Variants in AUTS2 observed in about 807,000 individuals in gnomAD.
The protein encoded by AUTS2 is activator of transcription and developmental regulator AUTS2.
A neutral mutation model predicts 112.4 loss-of-function variants in AUTS2; 17 were observed. That is an observed-to-expected ratio of 0.15 (90% CI 0.10 to 0.23). AUTS2 has a LOEUF of 0.23. Ranked by LOEUF, AUTS2 falls within the 10% of genes least tolerant of loss-of-function variation. The pLI is 1.00. For synonymous variants in AUTS2, 751 were observed against 702.7 expected, an observed-to-expected ratio of 1.07 and a Z score of -1.09; for missense variants, 1,510 against 1,701.6, an observed-to-expected ratio of 0.89 and a Z score of 1.98.
At chr7:69,834,146 T>C (rs962559825) in intron 1 of AUTS2, among the ~76,000 whole-genome samples, 7 of 152,182 alleles carry the variant, frequency 4.6e-5, no homozygotes, top group African/African-American at 1.7e-4. Context: ...CCTGCACCTC[T>C]ACGTCACTCT....
intron 5 of AUTS2, among the ~76,000 whole-genome samples, chr7:70,599,046 C>G (rs1172818379): frequency 1.3e-5 from 2 of 152,230 alleles, no homozygotes; most frequent in African/African-American, 4.8e-5. Context: ...CTCTACTTTT[C>G]TTTTCCTTTC....
At chr7:70,781,584 T>C (rs1355837328) in intron 14 of AUTS2, 31 bp from the exon 15 acceptor site, 5 of 1,612,338 alleles carry the variant, frequency 3.1e-6, no homozygotes, top group African/African-American at 2.7e-5. Context: ...CTGTTGGCCT[T>C]GGGACCCTTA....
At chr7:70,221,608 A>G (rs1175756138) in intron 4 of AUTS2, among the ~76,000 whole-genome samples, 1 of 152,100 alleles carries the variant, frequency 6.6e-6, no homozygotes, top group East Asian at 1.9e-4. Flanking sequence ...TACAGAACCT[A>G]TCATTCGGTG....
chr7:70,123,984 C>T (rs34850955), intron 3 of AUTS2, among the ~76,000 whole-genome samples: 2,582 of 152,206 alleles, frequency 0.017, 44 homozygotes, highest in Middle Eastern at 0.027. Flanking sequence ...TAATTGTTCC[C>T]TTTTCTCTGC....
Position 69,977,010 on chromosome 7 carries a change from T to C in AUTS2, c.522+77512T>C, listed in dbSNP as rs570225988. Among the ~76,000 whole-genome samples the C allele has an allele frequency of 2.6e-5, 4 of 152,294 alleles. 1 individual carries two copies. The South Asian group carries it at 8.3e-4, about 32-fold the overall frequency. ...TTTTGTTGTCACATCCAAGAAAGAT[T>C]GTCAAATCCAATGTCATGAAGCTTT... On this transcript the variant is annotated intron_variant, in intron 2 of 18. Coordinates refer to ENST00000342771, the MANE Select transcript of AUTS2 (RefSeq NM_015570.4).
intron 4 of AUTS2, among the ~76,000 whole-genome samples, chr7:70,307,960 G>A (rs1416075905): frequency 1.3e-5 from 2 of 152,180 alleles, no homozygotes; most frequent in Non-Finnish European, 2.9e-5. Flanking sequence ...AACATAACCT[G>A]TTGAATAAGT....
intron 5 of AUTS2, among the ~76,000 whole-genome samples, chr7:70,484,261 T>A (rs756176282): frequency 6.6e-6 from 1 of 152,232 alleles, no homozygotes; most frequent in Non-Finnish European, 1.5e-5. Context: ...CATAAATTTG[T>A]ATTTTACAGC....
intron 1 of AUTS2, among the ~76,000 whole-genome samples, chr7:69,754,530 G>A (rs1471912086): frequency 1.3e-5 from 2 of 152,102 alleles, no homozygotes; most frequent in African/African-American, 4.8e-5. Context: ...TCATGGCATG[G>A]TAGAAGATGA....
At chr7:70,079,983 A>G (rs955249282) in intron 2 of AUTS2, among the ~76,000 whole-genome samples, 1 of 152,160 alleles carries the variant, frequency 6.6e-6, no homozygotes, top group Non-Finnish European at 1.5e-5. Flanking sequence ...TATAATCAGC[A>G]TTAATCCATT....
At chr7:69,721,941 T>G (rs1016625737) in intron 1 of AUTS2, among the ~76,000 whole-genome samples, 1 of 151,738 alleles carries the variant, frequency 6.6e-6, no homozygotes, top group Non-Finnish European at 1.5e-5. Context: ...GGAGGACATG[T>G]GAAACATATG....
chr7:70,719,588 C>T (rs1366116377), intron 6 of AUTS2, among the ~76,000 whole-genome samples: 2 of 151,958 alleles, frequency 1.3e-5, no homozygotes, highest in South Asian at 2.1e-4. Context: ...CTCAGCCTCC[C>T]GAGTAGGTGG....
In AUTS2 at chr7:69,761,954, G is replaced by A. The variant is rs574600239; in HGVS notation, c.310-137332G>A. Reference sequence around the variant, plus strand: ...TTTTATTCATTTGCACATTTATTGGGTACCTACTATATGTCAGCCTCTGTT... The same window carrying A: ...TTTTATTCATTTGCACATTTATTGGATACCTACTATATGTCAGCCTCTGTT... On this transcript the variant is annotated intron_variant, in intron 1 of 18. Transcript: ENST00000342771. 2.0e-5 allele frequency among the ~76,000 whole-genome samples: 3 copies of A among 152,242 alleles called. No individual in the cohort carries two copies. In the South Asian group the frequency reaches 6.2e-4, roughly 32 times the overall value.
chr7:69,795,670 G>A (rs143240076), intron 1 of AUTS2, among the ~76,000 whole-genome samples: 1 of 152,338 alleles, frequency 6.6e-6, no homozygotes, highest in African/African-American at 2.4e-5. Flanking sequence ...GATGCGAAAG[G>A]TTTGTTCTAT....
intron 2 of AUTS2, among the ~76,000 whole-genome samples, chr7:69,992,474 C>G (rs1371073429): frequency 2.0e-5 from 3 of 152,138 alleles, no homozygotes; most frequent in African/African-American, 7.2e-5. Context: ...GGATGGTGAT[C>G]CTCCCTGTGT....
intron 4 of AUTS2, among the ~76,000 whole-genome samples, chr7:70,296,692 T>C (rs779442186): frequency 3.3e-5 from 5 of 152,198 alleles, no homozygotes; most frequent in Middle Eastern, 6.4e-3. Context: ...TTCACCCTTA[T>C]CAACCATGCT....
At chr7:69,741,149 T>C (rs1452422564) in intron 1 of AUTS2, among the ~76,000 whole-genome samples, 2 of 152,146 alleles carry the variant, frequency 1.3e-5, no homozygotes, top group African/African-American at 4.8e-5. Flanking sequence ...TGAGAAAAGA[T>C]GACAAGCGGA....
intron 1 of AUTS2, among the ~76,000 whole-genome samples, chr7:69,788,088 T>C (rs912549414): frequency 1.3e-5 from 2 of 152,012 alleles, no homozygotes; most frequent in African/African-American, 4.8e-5. Context: ...GCCAGAAAAA[T>C]ATCGTAAAAA....
At chr7:69,942,704 C>T (rs1796672382) in intron 2 of AUTS2, among the ~76,000 whole-genome samples, 1 of 152,190 alleles carries the variant, frequency 6.6e-6, no homozygotes, top group African/African-American at 2.4e-5. Flanking sequence ...GTCATCTTGA[C>T]AGTGGCAAGT....
chr7:69,626,025 T>C lies in AUTS2; in HGVS notation c.309+26063T>C, dbSNP rs534791163. ...GATGGAAGGGAGGTGTTGAAATGTT[T>C]ACAGCTCCTAACATCTACCACCAAG... is the stretch of plus-strand genomic sequence containing the variant. On this transcript the variant is annotated intron_variant, in intron 1 of 18. Transcript: ENST00000342771. Among the ~76,000 whole-genome samples, 3 of 152,310 alleles carry C rather than the reference T, an allele frequency of 2.0e-5. No homozygotes were observed. The South Asian group carries it at 6.2e-4, about 32-fold the overall frequency.
Sources: gnomAD v4.1 joint callset for allele counts (sites outside exome capture counted in the v4.1 genomes callset) on GRCh38, gnomAD v4.1.1 for gene constraint, MANE v1.5 for transcripts, NCBI Gene and HGNC (gene_info 2026-07-23, HGNC 2026-07-21) for gene names.